Variants in ARHGEF33 observed in about 807,000 individuals in gnomAD.
The protein encoded by ARHGEF33 is Rho guanine nucleotide exchange factor 33.
Under a neutral mutation model 101.9 loss-of-function variants are expected in ARHGEF33, and 72 were observed. The ratio of observed to expected loss-of-function variants is 0.71; its 90% CI spans 0.58 to 0.86. The LOEUF is 0.86. Ranked by LOEUF, ARHGEF33 falls within the 40% of genes least tolerant of loss-of-function variation. The pLI, the probability that ARHGEF33 is intolerant of heterozygous loss-of-function variation, is 0.00. For synonymous variants in ARHGEF33, 499 were observed against 442.5 expected (o/e 1.13, Z -1.60); for missense variants, 1,169 against 1,111.3 (o/e 1.05, Z -0.74).
At chr2:38,961,129 ACTT>A (rs2124425130) in intron 16 of ARHGEF33, among the ~76,000 whole-genome samples, 2 of 152,246 alleles carry the variant, frequency 1.3e-5, no homozygotes, top group East Asian at 3.9e-4. Flanking sequence ...AGCCTACTCC[ACTT>A]CTTCCCGGCA....
chr2:38,934,955 T>A (rs1262849581), intron 7 of ARHGEF33, among the ~76,000 whole-genome samples: 2 of 151,076 alleles, frequency 1.3e-5, no homozygotes, highest in African/African-American at 4.9e-5. Flanking sequence ...AGTGTCAGGG[T>A]CCCGTGAGAA....
At chr2:38,919,134 G>A (rs1444618112) in intron 2 of ARHGEF33, among the ~76,000 whole-genome samples, 1 of 152,104 alleles carries the variant, frequency 6.6e-6, no homozygotes, top group Non-Finnish European at 1.5e-5. Flanking sequence ...ATCCAAATAA[G>A]AATGTAGCAT....
At chr2:38,961,555 C>A (rs1667940162) in intron 16 of ARHGEF33, among the ~76,000 whole-genome samples, 1 of 152,176 alleles carries the variant, frequency 6.6e-6, no homozygotes, top group African/African-American at 2.4e-5. Context: ...CCCTTCCGTT[C>A]CAACTATTCT....
intron 13 of ARHGEF33, 116 bp downstream of exon 13, chr2:38,954,572 G>A (rs1328735915): frequency 6.3e-6 from 4 of 638,656 alleles, no homozygotes; most frequent in Non-Finnish European, 1.1e-5. Flanking sequence ...TCTAAGAAGT[G>A]TTTATTTAGA....
chr2:38,920,821 G>T (rs571101911), intron 3 of ARHGEF33, among the ~76,000 whole-genome samples: 3 of 152,092 alleles, frequency 2.0e-5, no homozygotes, highest in Non-Finnish European at 4.4e-5. Context: ...GAACCTTTCC[G>T]TTGACAATTC....
At chr2:38,973,667 A>G (rs1014704713) in intron 17 of ARHGEF33, 47 bp from the exon 18 acceptor site, 77 of 1,443,856 alleles carry the variant, frequency 5.3e-5, no homozygotes, top group Non-Finnish European at 7.0e-5. Flanking sequence ...TTTGAAAACA[A>G]TTAAAACCAA....
chr2:38,935,063 A>AT (rs397870470), intron 7 of ARHGEF33, among the ~76,000 whole-genome samples: 2 of 150,876 alleles, frequency 1.3e-5, no homozygotes, highest in East Asian at 3.9e-4. Context: ...AAAAAAAAAA[A>AT]GAAACAGCAG....
At chr2:38,892,974 T>TATCTTGTTA (rs1666038391) in intron 1 of ARHGEF33, among the ~76,000 whole-genome samples, 2 of 152,176 alleles carry the variant, frequency 1.3e-5, no homozygotes, top group Admixed American at 1.3e-4. Context: ...GATCTTGTTA[T>TATCTTGTTA]ACCTCTGCTT....
intron 9 of ARHGEF33, among the ~76,000 whole-genome samples, chr2:38,942,155 C>T (rs1246073233): frequency 6.9e-6 from 1 of 145,668 alleles, no homozygotes. Context: ...TTCAATACAT[C>T]TCTCCTTTCT....
rs117932033 is a variant in ARHGEF33 at position 38,967,444 on chromosome 2, G to A, written c.2483+1299G>A. Among the ~76,000 whole-genome samples, 83 of 152,348 alleles carry A rather than the reference G, an allele frequency of 5.4e-4. No individual in the cohort carries two copies. The East Asian group carries it at 8.9e-3, about 16-fold the overall frequency. ...CAACCCACCTTACTCAGGATTTGAAGAGTTGAGAATTGTATTCCTCTTTCT... is the reference window on the plus strand; with the variant it reads ...CAACCCACCTTACTCAGGATTTGAAAAGTTGAGAATTGTATTCCTCTTTCT... On this transcript the variant is annotated intron_variant, in intron 17 of 17. Transcript: ENST00000409978.
chr2:38,966,599 A>G (rs1668058225), intron 17 of ARHGEF33, among the ~76,000 whole-genome samples: 1 of 152,182 alleles, frequency 6.6e-6, no homozygotes, highest in Non-Finnish European at 1.5e-5. Flanking sequence ...CTGGGTGCCA[A>G]TTCATGTTTA....
At position 38,960,538 on chromosome 2, in the gene ARHGEF33, C is replaced by G. The variant is rs1236152748; in HGVS notation, c.2233C>G (p.Gln745Glu). 8.7e-6 allele frequency: 11 copies of G among 1,257,702 alleles called. No individual in the cohort carries two copies. Among genetic ancestry groups the G allele is most frequent in the South Asian group, 2.9e-5 (1 of 34,158 alleles). 77.9% of individuals were successfully genotyped at this position (1,257,702 alleles called of 1,614,324 possible). The change falls in exon 16 of 18, where the codon CAG becomes GAG. Residue 745 changes from glutamine (Q) to glutamate (E), a missense_variant. Transcript: ENST00000409978. The stretch of plus-strand genomic sequence containing the variant: ...GCCCATCAAGGCCGAGCGCGCCGCG[C>G]AGGCGCACGGCCCGGCCGCCGCCGC... ...RAPIKAERAAQAHGPAAAAVA... is the reference protein window; with the variant it reads ...RAPIKAERAAEAHGPAAAAVA...
chr2:38,933,550 A>G (rs1439827992), intron 7 of ARHGEF33, among the ~76,000 whole-genome samples: 2 of 151,992 alleles, frequency 1.3e-5, no homozygotes, highest in Admixed American at 6.5e-5. Context: ...TGCCTTGCTA[A>G]TTTTTGTATT....
chr2:38,898,016 A>G (rs1242171562), intron 2 of ARHGEF33, among the ~76,000 whole-genome samples: 1 of 152,198 alleles, frequency 6.6e-6, no homozygotes, highest in Non-Finnish European at 1.5e-5. Context: ...TTGGGTTAGG[A>G]CATTTGAACT....
intron 2 of ARHGEF33, among the ~76,000 whole-genome samples, chr2:38,909,361 G>A (rs191873321): frequency 1.5e-4 from 23 of 151,714 alleles, no homozygotes; most frequent in Middle Eastern, 3.4e-3. Context: ...TCACTCTGCC[G>A]CCCAGGCTGG....
chr2:38,910,411 A>C (rs567621144), intron 2 of ARHGEF33, among the ~76,000 whole-genome samples: 1 of 152,248 alleles, frequency 6.6e-6, no homozygotes, highest in African/African-American at 2.4e-5. Flanking sequence ...TCTCTACTAA[A>C]ATACAAAAGA....
intron 12 of ARHGEF33, 54 bp downstream of exon 12, chr2:38,953,299 T>C: frequency 3.8e-6 from 4 of 1,045,842 alleles, no homozygotes; most frequent in Non-Finnish European, 5.8e-6. Flanking sequence ...CATCATATGA[T>C]GTTGCTCATC....
intron 1 of ARHGEF33, among the ~76,000 whole-genome samples, chr2:38,892,381 G>A (rs1666025171): frequency 6.6e-6 from 1 of 150,692 alleles, no homozygotes; most frequent in Non-Finnish European, 1.5e-5. Flanking sequence ...GTGTGAGTAG[G>A]TGGGGTGGGT....
At chr2:38,929,872 C>T in intron 6 of ARHGEF33, 42 bp downstream of exon 6, 2 of 1,539,982 alleles carry the variant, frequency 1.3e-6, no homozygotes, top group Non-Finnish European at 1.8e-6. Context: ...AACCCATAAG[C>T]AATGGCTTCT....
Sources: gnomAD v4.1 joint callset for allele counts (sites outside exome capture counted in the v4.1 genomes callset) on GRCh38, gnomAD v4.1.1 for gene constraint, MANE v1.5 for transcripts, NCBI Gene and HGNC (gene_info 2026-07-23, HGNC 2026-07-21) for gene names.